Variants in TNRC6B observed in about 807,000 individuals in gnomAD.
TNRC6B encodes the protein trinucleotide repeat containing adaptor 6B.
In TNRC6B, 52 loss-of-function variants were observed where a neutral mutation model predicts 203.6. The ratio of observed to expected loss-of-function variants is 0.26; its 90% CI spans 0.20 to 0.32. The LOEUF is 0.32. TNRC6B is among the 10% of genes least tolerant of loss of function. The pLI, the probability that TNRC6B is intolerant of heterozygous loss-of-function variation, is 1.00. For missense variants in TNRC6B, 1,923 were observed against 2,286.2 expected (o/e 0.84, Z 3.24); for synonymous variants, 838 against 845.7 (o/e 0.99, Z 0.16).
At chr22:40,143,061 T>C (rs1601838463) in intron 3 of TNRC6B, among the ~76,000 whole-genome samples, 1 of 152,172 alleles carries the variant, frequency 6.6e-6, no homozygotes, top group Non-Finnish European at 1.5e-5. Context: ...AAGCACTAAC[T>C]GTAAAAGAGA....
In TNRC6B at chr22:40,265,974, A is replaced by G. The variant is rs1308849988; in HGVS notation, c.1744A>G (p.Ser582Gly). 6.2e-7 allele frequency: 1 copy of G among 1,613,890 alleles called. No individual in the cohort carries two copies. Among genetic ancestry groups the G allele is most frequent in the Non-Finnish European group, 8.5e-7 (1 of 1,179,908 alleles). Residue 582 changes from serine (S) to glycine (G), a missense_variant, in exon 5 of 23, where the codon AGT becomes GGT. Ser to Gly is a moderately conservative substitution (Grantham distance 56, BLOSUM62 0). Around this residue, in one of 8 missense-constraint regions of TNRC6B, gnomAD observed 614 missense variants for 587.7 expected, o/e 1.04. Coordinates refer to ENST00000454349, the MANE Select transcript of TNRC6B (RefSeq NM_001162501.2). ...QSTGSNHKAG[S>G]SDSHNSGRRS... is the part of the protein sequence containing the mutation. The stretch of plus-strand genomic sequence containing the variant: ...CACTGGAAGCAACCACAAAGCAGGA[A>G]GTAGTGACAGTCATAACTCTGGCCG...
intron 1 of TNRC6B, among the ~76,000 whole-genome samples, chr22:40,193,509 C>T (rs2069299596): frequency 6.6e-6 from 1 of 152,132 alleles, no homozygotes; most frequent in African/African-American, 2.4e-5. Context: ...GAGAGGTAAG[C>T]ATTGAAGGCG....
intron 1 of TNRC6B, among the ~76,000 whole-genome samples, chr22:40,242,245 C>A (rs1395549784): frequency 6.6e-6 from 1 of 151,934 alleles, no homozygotes. Context: ...AATATATACT[C>A]ACATATGTAC....
chr22:40,229,866 A>G (rs1352111219), intron 1 of TNRC6B, among the ~76,000 whole-genome samples: 1 of 152,146 alleles, frequency 6.6e-6, no homozygotes, highest in Non-Finnish European at 1.5e-5. Context: ...TCACCTATTG[A>G]TGTGCATTTG....
intron 9 of TNRC6B, 40 bp downstream of exon 9, chr22:40,278,084 G>A (rs1469702216): frequency 2.6e-6 from 4 of 1,514,026 alleles, no homozygotes; most frequent in Non-Finnish European, 2.7e-6. Context: ...GTATATCAGT[G>A]TTACAGTGTC....
At chr22:40,315,633 G>C in intron 20 of TNRC6B, 126 bp downstream of exon 20, 2 of 1,125,066 alleles carry the variant, frequency 1.8e-6, no homozygotes, top group Non-Finnish European at 2.5e-6. Context: ...TTTTCTTCTG[G>C]TAGAGGAAAA....
intron 3 of TNRC6B, among the ~76,000 whole-genome samples, chr22:40,252,268 A>G (rs1569038741): frequency 6.6e-6 from 1 of 152,240 alleles, no homozygotes; most frequent in Non-Finnish European, 1.5e-5. Context: ...TAGCAGATGT[A>G]TTTTGAAAAG....
At chr22:40,136,092 C>T (rs893349376) in intron 3 of TNRC6B, among the ~76,000 whole-genome samples, 5 of 152,238 alleles carry the variant, frequency 3.3e-5, no homozygotes, top group Admixed American at 6.5e-5. Flanking sequence ...ATTTCTGGCA[C>T]GGTCTCCAGA....
At chr22:40,316,848 T>C (rs2071266759) in intron 21 of TNRC6B, among the ~76,000 whole-genome samples, 1 of 152,168 alleles carries the variant, frequency 6.6e-6, no homozygotes, top group Admixed American at 6.5e-5. Flanking sequence ...GTTAGTTTTA[T>C]AAGCTAGTTC....
chr22:40,197,223 G>A (rs1289710735), intron 1 of TNRC6B, among the ~76,000 whole-genome samples: 1 of 152,118 alleles, frequency 6.6e-6, no homozygotes, highest in Admixed American at 6.5e-5. Flanking sequence ...AGACTGTGCT[G>A]ATCGTGTGCA....
chr22:40,085,318 T>TTAC (rs2068091802), intron 1 of TNRC6B, among the ~76,000 whole-genome samples: 1 of 152,224 alleles, frequency 6.6e-6, no homozygotes, highest in Non-Finnish European at 1.5e-5. Context: ...TCTAAAAATG[T>TTAC]AATTCCTTAA....
Position 40,266,312 on chromosome 22 carries a change from C to A in TNRC6B, c.2082C>A (p.Asn694Lys), listed in dbSNP as rs373461461. The change falls in exon 5 of 23, where the codon AAC (asparagine) becomes AAA (lysine). Residue 694 changes from asparagine to lysine, a missense_variant. Asn to Lys is a moderately conservative substitution (Grantham distance 94, BLOSUM62 0). Transcript: ENST00000454349. ...CTACAGAGTGGAAAGACCCCAAGAACACAGGAGGCTGGAATGACTACAAGA... is the reference window on the plus strand; with the variant it reads ...CTACAGAGTGGAAAGACCCCAAGAAAACAGGAGGCTGGAATGACTACAAGA... ...SASTEWKDPK[N>K]TGGWNDYKNN... The A allele has an allele frequency of 3.7e-5, 59 of 1,597,336 alleles. No homozygotes were observed. The highest frequency in any genetic ancestry group is 4.9e-5 in the Non-Finnish European group (57 of 1,171,630).
intron 1 of TNRC6B, among the ~76,000 whole-genome samples, chr22:40,233,018 C>A (rs980598016): frequency 6.6e-6 from 1 of 151,836 alleles, no homozygotes; most frequent in African/African-American, 2.4e-5. Context: ...TGTAGTGGTG[C>A]GCGCCTATAG....
chr22:40,167,889 C>T (rs1199766293), intron 4 of TNRC6B, among the ~76,000 whole-genome samples: 2 of 151,754 alleles, frequency 1.3e-5, no homozygotes, highest in Non-Finnish European at 2.9e-5. Context: ...AAAACAGTAA[C>T]CAAAAAATAC....
intron 1 of TNRC6B, among the ~76,000 whole-genome samples, chr22:40,065,682 T>C (rs2067889364): frequency 6.6e-6 from 1 of 152,172 alleles, no homozygotes; most frequent in Non-Finnish European, 1.5e-5. Flanking sequence ...GTAAATATTA[T>C]TGAGCTTTGT....
intron 1 of TNRC6B, among the ~76,000 whole-genome samples, chr22:40,056,084 A>G (rs1420759685): frequency 2.0e-5 from 3 of 151,776 alleles, no homozygotes; most frequent in Non-Finnish European, 4.4e-5. Context: ...CCTCCTATCC[A>G]TTTTTCTCTC....
At chr22:40,200,476 C>T (rs931654757) in intron 1 of TNRC6B, among the ~76,000 whole-genome samples, 2 of 148,970 alleles carry the variant, frequency 1.3e-5, no homozygotes, top group Admixed American at 6.7e-5. Flanking sequence ...TTAGTAGAGA[C>T]GGGGTGTCAT....
intron 3 of TNRC6B, among the ~76,000 whole-genome samples, chr22:40,135,940 A>G (rs567505483): frequency 2.0e-5 from 3 of 152,330 alleles, no homozygotes; most frequent in African/African-American, 7.2e-5. Context: ...TCTCTAAAAG[A>G]AAAGAGGATT....
rs901537164 is a variant in TNRC6B at position 40,323,404 on chromosome 22, A to T, written c.*163A>T. ...GGTCATTGACAGACTGTCTGAGCAC[A>T]TAGTTGCCTCCCTTATAACTTCAGT... is the stretch of plus-strand genomic sequence containing the variant. On this transcript the variant is annotated 3_prime_UTR_variant, in exon 23 of 23. Coordinates refer to ENST00000454349, the MANE Select transcript of TNRC6B (RefSeq NM_001162501.2). 3 of 813,246 alleles carry T rather than the reference A, an allele frequency of 3.7e-6. No individual in the cohort carries two copies. In the South Asian group the frequency reaches 6.1e-5, roughly 17 times the overall value. 50.4% of individuals were successfully genotyped at this position (813,246 alleles called of 1,614,324 possible).
Sources: allele counts gnomAD v4.1 joint callset (sites outside exome capture counted in the v4.1 genomes callset), GRCh38; gene constraint gnomAD v4.1.1; regional missense constraint gnomAD v4.1.1; transcripts MANE v1.5; gene names NCBI Gene and HGNC (gene_info 2026-07-23, HGNC 2026-07-21).